Variants in ULK1 observed in about 807,000 individuals in gnomAD.
ULK1 encodes the protein unc-51 like autophagy activating kinase 1.
A neutral mutation model predicts 117.5 loss-of-function variants in ULK1; 48 were observed. That is an observed-to-expected ratio of 0.41 (90% CI 0.32 to 0.52). The LOEUF (loss-of-function observed/expected upper bound fraction) is 0.52. Among genes scored for constraint, ULK1 ranks in the 20% least tolerant of loss-of-function variants. ULK1 has a pLI of 0.29. For synonymous variants in ULK1, 790 were observed against 637.8 expected (o/e 1.24, Z -3.60); for missense variants, 1,387 against 1,473.4 (o/e 0.94, Z 0.96).
Position 131,914,400 on chromosome 12 carries a change from C to A in ULK1, c.1296C>A (p.Ile432=). The part of the protein sequence containing the change: ...SSSRCGASVP[I]PVPTQVQNYQ... ...GCAGGTGCGGCGCCTCTGTCCCCATCCCAGTCCCCACGCAGGTGCAGAACT... is the reference window on the plus strand; with the variant it reads ...GCAGGTGCGGCGCCTCTGTCCCCATACCAGTCCCCACGCAGGTGCAGAACT... The change falls in exon 16 of 28, where the codon ATC becomes ATA. Residue 432 remains isoleucine (I), a synonymous_variant. Coordinates refer to ENST00000321867, the MANE Select transcript of ULK1 (RefSeq NM_003565.4). The A allele has an allele frequency of 6.2e-7, 1 of 1,612,658 alleles. No individual in the cohort carries two copies. The highest frequency in any genetic ancestry group is 8.5e-7 in the Non-Finnish European group (1 of 1,179,966).
At chr12:131,912,954 A>G (rs1488457612) in intron 13 of ULK1, among the ~76,000 whole-genome samples, 2 of 152,130 alleles carry the variant, frequency 1.3e-5, no homozygotes, top group Non-Finnish European at 2.9e-5. Flanking sequence ...CAGGAGGCGC[A>G]GAGTCCAAGT....
rs1272692357 is a variant in ULK1, at chr12:131,916,542, T to A, written c.2023T>A (p.Leu675Met). The change falls in exon 20 of 28, where the codon TTG becomes ATG. Residue 675 changes from leucine (L) to methionine (M), a missense_variant. Leu to Met is a conservative substitution (Grantham distance 15, BLOSUM62 2). This residue lies in a region of ULK1 where 900 missense variants were observed against 858.9 expected (regional missense o/e 1.05). Coordinates refer to ENST00000321867, the MANE Select transcript of ULK1 (RefSeq NM_003565.4). ...SEVGPFHGQP[L>M]GPGLRPGEDP... is the part of the protein sequence containing the mutation. ...GGTGGGACCCTTCCATGGTCAGCCG[T>A]TGGGCCCTGGCCTGCGGCCAGGCGA... The A allele has an allele frequency of 3.1e-6, 5 of 1,609,032 alleles. No homozygotes were observed. The highest frequency in any genetic ancestry group is 4.2e-6 in the Non-Finnish European group (5 of 1,179,248).
Position 131,921,565 on chromosome 12 carries a change from G to A in ULK1, c.*204G>A, listed in dbSNP as rs944615674. 2 of 728,706 alleles carry A rather than the reference G, an allele frequency of 2.7e-6. No homozygotes were observed. Among genetic ancestry groups the A allele is most frequent in the Non-Finnish European group, 2.3e-6 (1 of 442,270 alleles). The allele number at this position is 728,706 out of a possible 1,614,324, so 45.1% of individuals were successfully genotyped here. A position where few individuals can be genotyped will look rare whatever the true frequency, so the allele number is the denominator to read the frequency against. On this transcript the variant is annotated 3_prime_UTR_variant, in exon 28 of 28. Transcript: ENST00000321867. ...TCTGGAGCCACACAGCTTGGGGGGT[G>A]TCTCCCATCTTTTACAGGTGGGGAT... is the stretch of plus-strand genomic sequence containing the variant.
intron 3 of ULK1, among the ~76,000 whole-genome samples, chr12:131,905,083 T>A (rs992862384): frequency 2.6e-5 from 4 of 152,012 alleles, no homozygotes; most frequent in Admixed American, 6.6e-5. Flanking sequence ...CATGGATAGG[T>A]CCCACCTTCT....
Position 131,906,924 on chromosome 12 carries a change from G to GGTGA in ULK1, c.279+4_279+7dup. The stretch of plus-strand genomic sequence containing the variant: ...CTAATTCTGTCTACCTGGTTATGGA[G>GGTGA]GTGAGTGCCTTGTGGTGCCAGGACA... On this transcript the variant is annotated frameshift_variant and splice_region_variant. Coordinates refer to ENST00000321867, the MANE Select transcript of ULK1 (RefSeq NM_003565.4). LOFTEE classifies it high-confidence loss of function. 6.2e-7 allele frequency: 1 copy of GGTGA among 1,614,106 alleles called. No individual in the cohort carries two copies. The highest frequency in any genetic ancestry group is 8.5e-7 in the Non-Finnish European group (1 of 1,180,016).
At position 131,915,119 on chromosome 12, in the gene ULK1, C is replaced by G; in HGVS notation, c.1410C>G (p.Pro470=). ...TCCGCAGGTCAGGCAGCACCAGCCC[C>G]CTGGGCTTTGCAAGGGCCAGCCCCT... ...SAIRRSGSTS[P]LGFARASPSP... The change falls in exon 17 of 28, where the codon CCC becomes CCG. Residue 470 remains proline (P), a synonymous_variant. Coordinates refer to ENST00000321867, the MANE Select transcript of ULK1 (RefSeq NM_003565.4). 1 of 1,590,592 alleles carries G rather than the reference C, an allele frequency of 6.3e-7. No individual in the cohort carries two copies. Among genetic ancestry groups the G allele is most frequent in the East Asian group, 2.2e-5 (1 of 44,712 alleles).
chr12:131,912,144 C>T (rs1889567778), intron 13 of ULK1, 55 bp downstream of exon 13: 1 of 1,561,014 alleles, frequency 6.4e-7, no homozygotes, highest in Non-Finnish European at 8.7e-7. Flanking sequence ...GGGGACAGTG[C>T]ATTGCATGTG....
intron 3 of ULK1, among the ~76,000 whole-genome samples, chr12:131,898,830 C>A (rs6598172): frequency 0.99 from 150,693 of 152,172 alleles, 74,630 homozygotes; most frequent in Middle Eastern, 1. Context: ...AATGAGCTTC[C>A]CTATCCGAGC....
At chr12:131,907,182 G>C (rs1454436384) in intron 4 of ULK1, among the ~76,000 whole-genome samples, 2 of 152,176 alleles carry the variant, frequency 1.3e-5, no homozygotes, top group African/African-American at 2.4e-5. Context: ...ACCACGCCCG[G>C]CTAATTTTTA....
chr12:131,905,961 G>C (rs1230943554), intron 3 of ULK1, among the ~76,000 whole-genome samples: 1 of 152,226 alleles, frequency 6.6e-6, no homozygotes, highest in Non-Finnish European at 1.5e-5. Context: ...AGCAGCGGAG[G>C]GGGTGGCTGA....
At chr12:131,895,850 T>G (rs1170556583) in intron 3 of ULK1, 26 bp downstream of exon 3, 1 of 1,613,766 alleles carries the variant, frequency 6.2e-7, no homozygotes. Context: ...TGCGGTCTGC[T>G]GGGGACCGGG....
rs185681394 is a variant in ULK1 at position 131,923,078 on chromosome 12, T to C, written c.*1717T>C. 15 of 152,388 alleles carry C rather than the reference T, an allele frequency of 9.8e-5. No homozygotes were observed. Among genetic ancestry groups the C allele is most frequent in the Non-Finnish European group, 1.6e-4 (11 of 68,050 alleles). The allele number at this position is 152,388 out of a possible 1,614,324, so 9.4% of individuals were successfully genotyped here. On this transcript the variant is annotated 3_prime_UTR_variant, in exon 28 of 28. Transcript: ENST00000321867. ...GACCCTTTGTCTATTTTAAAGCGAA[T>C]TTTGTGTGATTTCCTGCCCTTTGCG...
chr12:131,907,048 TCA>T, intron 4 of ULK1, 124 bp downstream of exon 4: 1 of 1,334,298 alleles, frequency 7.5e-7, no homozygotes, highest in South Asian at 1.2e-5. Flanking sequence ...AGATGGAGTC[TCA>T]CTGTCGCCCA....
chr12:131,894,972 C>A lies in ULK1; in HGVS notation c.-30C>A. On this transcript the variant is annotated 5_prime_UTR_variant, in exon 1 of 28. Transcript: ENST00000321867. Reference sequence around the variant, plus strand: ...TCCCCCGCGCCTTGGCCCGCCACCCCCCGCCCCGCGCCCCCGGCCCGCCTG... The same window carrying A: ...TCCCCCGCGCCTTGGCCCGCCACCCACCGCCCCGCGCCCCCGGCCCGCCTG... The A allele has an allele frequency of 8.3e-7, 1 of 1,209,954 alleles. No individual in the cohort carries two copies. Among genetic ancestry groups the A allele is most frequent in the African/African-American group, 1.6e-5 (1 of 60,790 alleles). 75.0% of individuals were successfully genotyped at this position (1,209,954 alleles called of 1,614,324 possible). A position where few individuals can be genotyped will look rare whatever the true frequency, so the allele number is the denominator to read the frequency against.
At chr12:131,911,903 C>T (rs1364740592) in intron 12 of ULK1, 39 bp from the exon 13 acceptor site, 4 of 1,612,620 alleles carry the variant, frequency 2.5e-6, no homozygotes, top group Non-Finnish European at 3.4e-6. Flanking sequence ...GTGTGTAGGT[C>T]CCTGAGACCT....
intron 3 of ULK1, among the ~76,000 whole-genome samples, chr12:131,901,789 C>T (rs1889100604): frequency 6.6e-6 from 1 of 151,938 alleles, no homozygotes; most frequent in South Asian, 2.1e-4. Flanking sequence ...CTGCTGGGAA[C>T]AGTTTTTACT....
rs1049771323 is a variant in ULK1 at position 131,915,754 on chromosome 12, G to C, written c.1610-137G>C. The C allele has an allele frequency of 6.6e-6, 8 of 1,221,034 alleles. No individual in the cohort carries two copies. In the African/African-American group the frequency reaches 1.2e-4, roughly 19 times the overall value. The allele number at this position is 1,221,034 out of a possible 1,614,324, so 75.6% of individuals were successfully genotyped here. A position where few individuals can be genotyped will look rare whatever the true frequency, so the allele number is the denominator to read the frequency against. On this transcript the variant is annotated intron_variant, in intron 18 of 27. Transcript: ENST00000321867. ...ACCGCACTCCAGCCTGAATGACAGG[G>C]CGAGACCCCGTCTCAACAAAAGAAA...
intron 22 of ULK1, 151 bp downstream of exon 22, chr12:131,917,705 T>C (rs933089852): frequency 7.6e-6 from 6 of 791,852 alleles, no homozygotes; most frequent in Non-Finnish European, 1.0e-5. Context: ...GAGAAACCCC[T>C]GCTCTGTCTC....
chr12:131,910,878 G>T (rs1157847095), intron 12 of ULK1, 78 bp downstream of exon 12: 1 of 1,583,266 alleles, frequency 6.3e-7, no homozygotes, highest in African/African-American at 1.3e-5. Context: ...GCCCCCGCGG[G>T]GACGTGCTGT....
Sources: gnomAD v4.1 joint callset for allele counts (sites outside exome capture counted in the v4.1 genomes callset) on GRCh38, gnomAD v4.1.1 for gene constraint, gnomAD v4.1.1 regional missense constraint, MANE v1.5 for transcripts, NCBI Gene and HGNC (gene_info 2026-07-23, HGNC 2026-07-21) for gene names.